KDM6A: variants seen among roughly 807,000 people sequenced by gnomAD.
The protein encoded by KDM6A is lysine demethylase 6A.
In KDM6A, 11 loss-of-function variants were observed where a neutral mutation model predicts 117.6. The ratio of observed to expected loss-of-function variants is 0.09; its 90% CI spans 0.06 to 0.15. The LOEUF is 0.15. Ranked by LOEUF, KDM6A falls within the 10% of genes least tolerant of loss-of-function variation. The pLI is 1.00. For synonymous variants in KDM6A, 384 were observed against 396.1 expected, an observed-to-expected ratio of 0.97 and a Z score of 0.36; for missense variants, 799 against 1,077.3, an observed-to-expected ratio of 0.74 and a Z score of 3.62.
rs764300958 is a variant in KDM6A at position 45,109,936 on chromosome X, A to T, written c.4162-143A>T. ...CCTGGTCTGTTAAAGATTCTCAAAC[A>T]CAGCCATGTTTTTCTTACCACCTAC... is the stretch of plus-strand genomic sequence containing the variant. On this transcript the variant is annotated intron_variant, in intron 28 of 29. Transcript: ENST00000611820. The T allele has an allele frequency of 1.5e-5, 8 of 544,566 alleles. 1 individual carries two copies. The highest frequency in any genetic ancestry group is 2.4e-5 in the Non-Finnish European group (8 of 331,622). The allele number at this position is 544,566 out of a possible 1,213,427, so 44.9% of individuals were successfully genotyped here. A position where few individuals can be genotyped will look rare whatever the true frequency, so the allele number is the denominator to read the frequency against.
intron 2 of KDM6A, among the ~76,000 whole-genome samples, chrX:44,904,854 C>G (rs1399047424): frequency 8.9e-6 from 1 of 111,858 alleles, no homozygotes; most frequent in Non-Finnish European, 1.9e-5. Flanking sequence ...TCTGTTTTTA[C>G]TAAGATTTGG....
At chrX:44,987,515 C>T (rs1039261089) in intron 4 of KDM6A, among the ~76,000 whole-genome samples, 1 of 111,760 alleles carries the variant, frequency 8.9e-6, no homozygotes, top group Non-Finnish European at 1.9e-5. Flanking sequence ...ATGGTCTTTA[C>T]AATTTGTCAT....
intron 28 of KDM6A, among the ~76,000 whole-genome samples, chrX:45,108,266 T>G (rs903287649): frequency 7.2e-5 from 8 of 110,880 alleles, no homozygotes; most frequent in Admixed American, 5.8e-4. Context: ...GGAAATGAAA[T>G]GGTTTTAGAA....
At chrX:45,036,696 A>G (rs2042827341) in intron 7 of KDM6A, among the ~76,000 whole-genome samples, 1 of 112,759 alleles carries the variant, frequency 8.9e-6, no homozygotes, top group Admixed American at 9.4e-5. Context: ...AAATTAGTTT[A>G]CGAGAATAAG....
At chrX:44,991,349 CTCTTTCTCTCTTTT>C (rs1444530534) in intron 4 of KDM6A, among the ~76,000 whole-genome samples, 2 of 107,998 alleles carry the variant, frequency 1.9e-5, no homozygotes, top group South Asian at 4.0e-4. Context: ...TTCTCTCTTT[CTCTTTCTCTCTTTT>C]TCTCACCTAA....
At chrX:45,086,636 C>G (rs2045651731) in intron 25 of KDM6A, among the ~76,000 whole-genome samples, 1 of 111,278 alleles carries the variant, frequency 9.0e-6, no homozygotes, top group Admixed American at 9.5e-5. Flanking sequence ...TGGATAGTTC[C>G]TTTCCTTAAG....
chrX:44,989,338 C>T (rs935033643), intron 4 of KDM6A, among the ~76,000 whole-genome samples: 2 of 106,828 alleles, frequency 1.9e-5, no homozygotes, highest in African/African-American at 6.9e-5. Context: ...TTCCCTGACT[C>T]CTTGCACTTC....
chrX:45,087,283 C>G (rs2045684927), intron 25 of KDM6A, among the ~76,000 whole-genome samples: 1 of 113,222 alleles, frequency 8.8e-6, no homozygotes, highest in Non-Finnish European at 1.9e-5. Flanking sequence ...GCCACCACGC[C>G]CAGCCCCATA....
In KDM6A at chrX:44,893,157, G is replaced by A. The variant is rs1248557710; in HGVS notation, c.225+19170G>A. On this transcript the variant is annotated intron_variant, in intron 2 of 29. Transcript: ENST00000611820. The stretch of plus-strand genomic sequence containing the variant: ...ACCACTACACTCCTTCAGCCTGGGC[G>A]ACAGAGCGAGACTGTCTCAAAAATC... Among the ~76,000 whole-genome samples the A allele has an allele frequency of 3.6e-5, 4 of 110,723 alleles. No homozygotes were observed. In the East Asian group the frequency reaches 1.1e-3, roughly 31 times the overall value.
chrX:44,886,491 C>CTTT (rs759245220), intron 2 of KDM6A, among the ~76,000 whole-genome samples: 1 of 97,583 alleles, frequency 1.0e-5, no homozygotes, highest in African/African-American at 3.8e-5. Flanking sequence ...TACTTACTAT[C>CTTT]TTTTTTTTTT....
intron 2 of KDM6A, among the ~76,000 whole-genome samples, chrX:44,893,297 A>T (rs929926233): frequency 4.5e-5 from 5 of 111,802 alleles, no homozygotes; most frequent in African/African-American, 1.6e-4. Flanking sequence ...CAATTCATGA[A>T]CATGAGTTGT....
At chrX:45,001,731 A>C (rs1199813522) in intron 4 of KDM6A, among the ~76,000 whole-genome samples, 1 of 111,799 alleles carries the variant, frequency 8.9e-6, no homozygotes, top group East Asian at 2.8e-4. Flanking sequence ...TCTTAACTTT[A>C]GTTTGATAGT....
intron 4 of KDM6A, among the ~76,000 whole-genome samples, chrX:45,000,950 A>C (rs1448297927): frequency 8.8e-6 from 1 of 113,167 alleles, no homozygotes; most frequent in Non-Finnish European, 1.9e-5. Context: ...GCTTTTGTTC[A>C]ACCTGTGGAC....
intron 2 of KDM6A, among the ~76,000 whole-genome samples, chrX:44,928,981 A>G (rs1263769840): frequency 9.0e-6 from 1 of 111,041 alleles, no homozygotes; most frequent in African/African-American, 3.3e-5. Context: ...ACCAGGCTGG[A>G]GTGCAGTGGC....
At chrX:44,886,574 C>A (rs1443337154) in intron 2 of KDM6A, among the ~76,000 whole-genome samples, 1 of 102,044 alleles carries the variant, frequency 9.8e-6, no homozygotes, top group East Asian at 3.2e-4. Flanking sequence ...ACTGCAAATT[C>A]TGCCTCCCGG....
chrX:45,003,394 C>CTTTT (rs397896934), intron 4 of KDM6A, among the ~76,000 whole-genome samples: 11 of 75,447 alleles, frequency 1.5e-4, no homozygotes, highest in Non-Finnish European at 2.8e-4. Context: ...AATTATCCTT[C>CTTTT]TTTTTTTTTT....
rs190517583 is a variant in KDM6A at position 44,904,505 on chromosome X, T to C, written c.225+30518T>C. Among the ~76,000 whole-genome samples the C allele has an allele frequency of 3.6e-3, 407 of 112,338 alleles. 1 individual carries two copies. Among genetic ancestry groups the C allele is most frequent in the Non-Finnish European group, 5.4e-3 (289 of 53,309 alleles). ...TGAAGTTTTTGGTTGGTCTTTTGTT[T>C]GTCTCTGTTGTTATCCACTGCTTTA... On this transcript the variant is annotated intron_variant, in intron 2 of 29. Transcript: ENST00000611820.
rs141436892 is a variant in KDM6A, at chrX:44,918,999, A to G, written c.226-42285A>G. On this transcript the variant is annotated intron_variant, in intron 2 of 29. Transcript: ENST00000611820. ...ACAGTAGAAATAAATATTCTGACAG[A>G]TCATAAAAAGGGAGGGAGGATTGAA... is the stretch of plus-strand genomic sequence containing the variant. 1.2e-4 allele frequency among the ~76,000 whole-genome samples: 13 copies of G among 111,939 alleles called. No individual in the cohort carries two copies. In the East Asian group the frequency reaches 3.4e-3, roughly 29 times the overall value.
intron 2 of KDM6A, among the ~76,000 whole-genome samples, chrX:44,954,802 G>A (rs760532319): frequency 9.0e-6 from 1 of 111,394 alleles, no homozygotes; most frequent in South Asian, 3.8e-4. Flanking sequence ...GGTTTTGTTT[G>A]TTTAGGGTAT....
Sources: gnomAD v4.1 joint callset for allele counts (sites outside exome capture counted in the v4.1 genomes callset) on GRCh38, gnomAD v4.1.1 for gene constraint, MANE v1.5 for transcripts, NCBI Gene and HGNC (gene_info 2026-07-23, HGNC 2026-07-21) for gene names.